The following RNF20 variants were observed in gnomAD, a reference collection of about 807,000 sequenced individuals.
RNF20 encodes the protein ring finger protein 20.
Under a neutral mutation model 126.2 loss-of-function variants are expected in RNF20, and 84 were observed. That is an observed-to-expected ratio of 0.67 (90% CI 0.56 to 0.80). The LOEUF (loss-of-function observed/expected upper bound fraction) is 0.80, where lower values mean the gene tolerates loss of function less well. Among genes scored for constraint, RNF20 ranks in the 30% least tolerant of loss-of-function variants. The probability of loss-of-function intolerance (pLI) is 0.00; values close to 1 mark genes in which losing one functional copy is unlikely to be tolerated. For missense variants in RNF20, 869 were observed against 1,188.2 expected, an observed-to-expected ratio of 0.73 and a Z score of 3.95; for synonymous variants, 400 against 414.3, an observed-to-expected ratio of 0.97 and a Z score of 0.42.
intron 2 of RNF20, among the ~76,000 whole-genome samples, chr9:101,539,011 G>A (rs529049556): frequency 6.6e-6 from 1 of 152,258 alleles, no homozygotes; most frequent in East Asian, 1.9e-4. Flanking sequence ...AGGATCCTGA[G>A]CACAAGCTGA....
chr9:101,553,744 T>C (rs925395506), intron 13 of RNF20, among the ~76,000 whole-genome samples: 2 of 152,210 alleles, frequency 1.3e-5, no homozygotes, highest in Non-Finnish European at 2.9e-5. Context: ...AATGTCTGTT[T>C]TATAACTTTG....
rs1377674263 is a variant in RNF20, at chr9:101,540,954, T to C, written c.607T>C (p.Ser203Pro). 1 of 1,613,914 alleles carries C rather than the reference T, an allele frequency of 6.2e-7. No individual in the cohort carries two copies. The highest frequency in any genetic ancestry group is 8.5e-7 in the Non-Finnish European group (1 of 1,179,944). The stretch of plus-strand genomic sequence containing the variant: ...ATTGCAAGAAAAAGTGGAGCTCTTA[T>C]CCCGGAAGCTAAACAGTGGAGGTGA... ...DKLQEKVELLSRKLNSGDNLI... is the reference protein window; with the variant it reads ...DKLQEKVELLPRKLNSGDNLI... Residue 203 changes from serine to proline, a missense_variant, in exon 5 of 20, where the codon TCC (serine) becomes CCC (proline). This residue lies in a region of RNF20 where 103 missense variants were observed against 94.3 expected (regional missense o/e 1.09). Coordinates refer to ENST00000389120, the MANE Select transcript of RNF20 (RefSeq NM_019592.7).
intron 9 of RNF20, among the ~76,000 whole-genome samples, chr9:101,550,013 C>A (rs1158599117): frequency 1.3e-5 from 2 of 152,164 alleles, no homozygotes; most frequent in Non-Finnish European, 2.9e-5. Context: ...GGCTTGCCGC[C>A]CACATCTTAG....
chr9:101,557,791 T>C (rs558811245), intron 16 of RNF20, among the ~76,000 whole-genome samples, 195 bp downstream of exon 16: 118 of 152,332 alleles, frequency 7.7e-4, no homozygotes, highest in Non-Finnish European at 1.5e-3. Flanking sequence ...TACAGTGTAC[T>C]TGTCAAATAT....
intron 16 of RNF20, among the ~76,000 whole-genome samples, chr9:101,558,006 C>CTT (rs200617735): frequency 6.3e-5 from 8 of 127,656 alleles, no homozygotes; most frequent in African/African-American, 1.8e-4. Flanking sequence ...TGTGATTTTA[C>CTT]TTTTTTTTTT....
chr9:101,536,428 G>A (rs1485981966), intron 2 of RNF20, among the ~76,000 whole-genome samples: 1 of 152,006 alleles, frequency 6.6e-6, no homozygotes, highest in Non-Finnish European at 1.5e-5. Flanking sequence ...ATTTTAGAGA[G>A]GCTGATTTTT....
chr9:101,546,974 C>T lies in RNF20; in HGVS notation c.894+8C>T, dbSNP rs1827358023. On this transcript the variant is annotated splice_region_variant and intron_variant, in intron 7 of 19. Coordinates refer to ENST00000389120, the MANE Select transcript of RNF20 (RefSeq NM_019592.7). ...GCAGAAGTCCTAGAACGGGTCAGTG[C>T]TGTTTTATGGCTTGGAGACTAGAAT... The T allele has an allele frequency of 6.2e-7, 1 of 1,613,948 alleles. No individual in the cohort carries two copies. The highest frequency in any genetic ancestry group is 8.5e-7 in the Non-Finnish European group (1 of 1,179,922).
chr9:101,553,688 C>T (rs1827485030), intron 13 of RNF20, among the ~76,000 whole-genome samples: 1 of 151,976 alleles, frequency 6.6e-6, no homozygotes, highest in Admixed American at 6.6e-5. Context: ...ATCTCAGTTA[C>T]CCAGGGTTGG....
rs368444107 is a variant in RNF20 at position 101,561,279 on chromosome 9, C to G, written c.2649+49C>G. 10 of 1,572,564 alleles carry G rather than the reference C, an allele frequency of 6.4e-6. No individual in the cohort carries two copies. In the South Asian group the frequency reaches 1.0e-4, roughly 16 times the overall value. ...TCACCTTTTAGGTGTTTTCTGAGGTCGGAAGTGACCCATATCATGAAAGAA... is the reference window on the plus strand; with the variant it reads ...TCACCTTTTAGGTGTTTTCTGAGGTGGGAAGTGACCCATATCATGAAAGAA... On this transcript the variant is annotated intron_variant, in intron 18 of 19. Coordinates refer to ENST00000389120, the MANE Select transcript of RNF20 (RefSeq NM_019592.7).
chr9:101,548,233 C>T (rs898238976), intron 9 of RNF20, among the ~76,000 whole-genome samples: 16 of 151,988 alleles, frequency 1.1e-4, no homozygotes, highest in East Asian at 5.8e-4. Flanking sequence ...AAACCAAGCA[C>T]GGAAAGGCAA....
intron 9 of RNF20, among the ~76,000 whole-genome samples, chr9:101,549,586 G>A (rs569332133): frequency 6.6e-6 from 1 of 152,084 alleles, no homozygotes. Context: ...GGGAAAGGGA[G>A]ACTCCCTTTC....
chr9:101,544,040 G>A (rs1301368171), intron 5 of RNF20, among the ~76,000 whole-genome samples: 1 of 147,566 alleles, frequency 6.8e-6, no homozygotes, highest in African/African-American at 2.6e-5. Context: ...TTTTCTTCCT[G>A]ATAACTCTCT....
rs1588227871 is a variant in RNF20 at position 101,561,072 on chromosome 9, T to C, written c.2509-18T>C. ...ATAGGTGATACAATGGTGTCACTTA[T>C]TTGTACATCCTACATAGGCAATGGA... On this transcript the variant is annotated intron_variant, in intron 17 of 19. Coordinates refer to ENST00000389120, the MANE Select transcript of RNF20 (RefSeq NM_019592.7). 4 of 1,611,998 alleles carry C rather than the reference T, an allele frequency of 2.5e-6. No individual in the cohort carries two copies. Among genetic ancestry groups the C allele is most frequent in the Non-Finnish European group, 1.7e-6 (2 of 1,179,222 alleles).
intron 15 of RNF20, among the ~76,000 whole-genome samples, chr9:101,555,251 CATT>C (rs1461911332): frequency 6.6e-6 from 1 of 151,504 alleles, no homozygotes; most frequent in African/African-American, 2.4e-5. Context: ...AAATATATAT[CATT>C]ATATATTTCT....
intron 6 of RNF20, among the ~76,000 whole-genome samples, chr9:101,545,340 C>T (rs1015094541): frequency 3.9e-5 from 6 of 152,166 alleles, no homozygotes; most frequent in Non-Finnish European, 8.8e-5. Context: ...CTGGAATTTG[C>T]CCCACCTTAG....
intron 9 of RNF20, among the ~76,000 whole-genome samples, chr9:101,549,043 C>A (rs1827399317): frequency 1.3e-5 from 2 of 152,262 alleles, no homozygotes; most frequent in Middle Eastern, 3.4e-3. Context: ...TAGGGGCCAG[C>A]CCCACAGGGT....
intron 9 of RNF20, among the ~76,000 whole-genome samples, chr9:101,548,175 A>G (rs1489364216): frequency 6.6e-6 from 1 of 152,162 alleles, no homozygotes; most frequent in Non-Finnish European, 1.5e-5. Flanking sequence ...GTGTGTGTAT[A>G]TGTGCAACAG....
Position 101,562,594 on chromosome 9 carries a change from A to G in RNF20, c.*172A>G. 1.7e-6 allele frequency: 1 copy of G among 575,232 alleles called. No individual in the cohort carries two copies. Among genetic ancestry groups the G allele is most frequent in the Non-Finnish European group, 3.0e-6 (1 of 333,984 alleles). The allele number at this position is 575,232 out of a possible 1,614,324, so 35.6% of individuals were successfully genotyped here. A position where few individuals can be genotyped will look rare whatever the true frequency, so the allele number is the denominator to read the frequency against. On this transcript the variant is annotated 3_prime_UTR_variant, in exon 20 of 20. Coordinates refer to ENST00000389120, the MANE Select transcript of RNF20 (RefSeq NM_019592.7). ...TCTTCAGTAGCTGGATGACTTTAGCAGAAAGGACTGGTAAATACAAGCCTT... is the reference window on the plus strand; with the variant it reads ...TCTTCAGTAGCTGGATGACTTTAGCGGAAAGGACTGGTAAATACAAGCCTT...
At chr9:101,544,063 A>G (rs1389909803) in intron 5 of RNF20, among the ~76,000 whole-genome samples, 1 of 152,220 alleles carries the variant, frequency 6.6e-6, no homozygotes, top group African/African-American at 2.4e-5. Flanking sequence ...GATGGGTGGT[A>G]TATATCCTGA....
Sources: gnomAD v4.1 joint callset for allele counts (sites outside exome capture counted in the v4.1 genomes callset) on GRCh38, gnomAD v4.1.1 for gene constraint, gnomAD v4.1.1 regional missense constraint, MANE v1.5 for transcripts, NCBI Gene and HGNC (gene_info 2026-07-23, HGNC 2026-07-21) for gene names.